ATP8B2: variants seen among roughly 807,000 people sequenced by gnomAD.
The protein encoded by ATP8B2 is ATPase phospholipid transporting 8B2.
In ATP8B2, 70 loss-of-function variants were observed where a neutral mutation model predicts 133.4. That is an observed-to-expected ratio of 0.52 (90% CI 0.43 to 0.64). The LOEUF is 0.64. Among genes scored for constraint, ATP8B2 ranks in the 30% least tolerant of loss-of-function variants. ATP8B2 has a pLI of 0.00. For missense variants in ATP8B2, 1,101 were observed against 1,535.7 expected (o/e 0.72, Z 4.73); for synonymous variants, 517 against 589.5 (o/e 0.88, Z 1.78).
chr1:154,331,475 A>G lies in ATP8B2; in HGVS notation c.335A>G (p.Asn112Ser). 1 of 1,614,110 alleles carries G rather than the reference A, an allele frequency of 6.2e-7. No individual in the cohort carries two copies. Among genetic ancestry groups the G allele is most frequent in the Non-Finnish European group, 8.5e-7 (1 of 1,180,020 alleles). ...FRHKSDNQVN[N>S]RQSQVLINGI... Reference sequence around the variant, plus strand: ...CACAAGAGCGATAACCAGGTGAATAACCGCCAGTCTCAGGTGCTGATCAAT... The same window carrying G: ...CACAAGAGCGATAACCAGGTGAATAGCCGCCAGTCTCAGGTGCTGATCAAT... The change falls in exon 6 of 28, where the codon AAC becomes AGC. Residue 112 changes from asparagine (N) to serine (S), a missense_variant. Asn to Ser is a conservative substitution (Grantham distance 46). Transcript: ENST00000368489. This position sits in a 1 kb window ranked among gnomAD's most constrained non-coding sequence, Gnocchi z 4.8.
At position 154,343,359 on chromosome 1, in the gene ATP8B2, G is replaced by A; in HGVS notation, c.1642+58G>A. ...GGGACAGCATTCAGGCCTGGAATGG[G>A]TGAAGTGTGCCGGGTGACTCTTGAT... On this transcript the variant is annotated intron_variant, in intron 16 of 27. Coordinates refer to ENST00000368489, the MANE Select transcript of ATP8B2 (RefSeq NM_001370597.1). This position sits in a 1 kb window ranked among gnomAD's most constrained non-coding sequence, Gnocchi z 5.8. 3.1e-6 allele frequency: 5 copies of A among 1,606,658 alleles called. No homozygotes were observed. The highest frequency in any genetic ancestry group is 4.3e-6 in the Non-Finnish European group (5 of 1,174,558).
intron 3 of ATP8B2, 57 bp from the exon 4 acceptor site, chr1:154,330,758 G>T: frequency 6.9e-7 from 1 of 1,448,786 alleles, no homozygotes; most frequent in Non-Finnish European, 9.7e-7. Context: ...GGCAGCCTCA[G>T]TCTGGTTCTG....
intron 9 of ATP8B2, among the ~76,000 whole-genome samples, chr1:154,333,483 A>T (rs539711909): frequency 6.7e-6 from 1 of 148,368 alleles, no homozygotes; most frequent in South Asian, 2.2e-4. Context: ...CAGCGTGGGC[A>T]ACACAGTGAG....
At chr1:154,338,969 C>T (rs140694878) in intron 12 of ATP8B2, among the ~76,000 whole-genome samples, 6 of 152,236 alleles carry the variant, frequency 3.9e-5, no homozygotes, top group East Asian at 1.9e-4. Context: ...AGGGGAGGAT[C>T]GGAGGAAGAC....
rs1412643473 is a variant in ATP8B2, at chr1:154,345,139, G to A, written c.2455G>A (p.Val819Ile). 1 of 1,613,796 alleles carries A rather than the reference G, an allele frequency of 6.2e-7. No homozygotes were observed. The highest frequency in any genetic ancestry group is 1.3e-5 in the African/African-American group (1 of 74,944). The change falls in exon 22 of 28, where the codon GTC becomes ATC. Residue 819 changes from valine (V) to isoleucine (I), a missense_variant. By Grantham distance (29) the Val-to-Ile change is conservative. Coordinates refer to ENST00000368489, the MANE Select transcript of ATP8B2 (RefSeq NM_001370597.1). This position sits in a 1 kb window ranked among gnomAD's most constrained non-coding sequence, Gnocchi z 5.6. ...TGCCATTGGAGACGGAGCCAATGAT[G>A]TCAGCATGATCAAAAGTGAGTGTGG... The part of the protein sequence containing the change: ...TLAIGDGAND[V>I]SMIKTAHIGV...
At chr1:154,348,641 T>C in intron 27 of ATP8B2, 103 bp downstream of exon 27, 8 of 1,508,090 alleles carry the variant, frequency 5.3e-6, no homozygotes, top group Non-Finnish European at 7.2e-6. Flanking sequence ...CTGTTCAGTG[T>C]GTTGGTGCTT....
chr1:154,344,201 C>T lies in ATP8B2; in HGVS notation c.1982C>T (p.Ala661Val). Residue 661 changes from alanine to valine, a missense_variant, in exon 19 of 28, where the codon GCC becomes GTC. Transcript: ENST00000368489. This position sits in a 1 kb window ranked among gnomAD's most constrained non-coding sequence, Gnocchi z 4.1. ...KLQQGVPETI[A>V]LLTLANIKIW... ...CAGCAAGGGGTTCCAGAGACCATTG[C>T]CCTCCTGACACTGGCCAACATCAAG... The T allele has an allele frequency of 6.2e-7, 1 of 1,614,222 alleles. No individual in the cohort carries two copies. The highest frequency in any genetic ancestry group is 8.5e-7 in the Non-Finnish European group (1 of 1,180,038).
chr1:154,346,866 C>G lies in ATP8B2; in HGVS notation c.3163+108C>G. ...CAACATTTCTTATGTGCCAAGTATTCTGTTTATTTTATTTATTTATTTATT... is the reference window on the plus strand; with the variant it reads ...CAACATTTCTTATGTGCCAAGTATTGTGTTTATTTTATTTATTTATTTATT... On this transcript the variant is annotated intron_variant, in intron 26 of 27. Transcript: ENST00000368489. The surrounding 1 kb of genome is among the most constrained non-coding windows in gnomAD (Gnocchi z 4.5). 8.1e-7 allele frequency: 1 copy of G among 1,229,498 alleles called. No homozygotes were observed. The highest frequency in any genetic ancestry group is 1.7e-5 in the South Asian group (1 of 60,382). The allele number at this position is 1,229,498 out of a possible 1,614,324, so 76.2% of individuals were successfully genotyped here. A position where few individuals can be genotyped will look rare whatever the true frequency, so the allele number is the denominator to read the frequency against.
chr1:154,330,974 A>C (rs200148570), intron 4 of ATP8B2, 46 bp downstream of exon 4: 1 of 1,601,592 alleles, frequency 6.2e-7, no homozygotes, highest in East Asian at 2.2e-5. Context: ...AAACTGAATA[A>C]AGCCAAGGAA....
In ATP8B2 at chr1:154,340,736, C is replaced by T; in HGVS notation, c.1035-118C>T. The T allele has an allele frequency of 1.1e-6, 1 of 951,642 alleles. No individual in the cohort carries two copies. The highest frequency in any genetic ancestry group is 1.6e-6 in the Non-Finnish European group (1 of 608,426). The allele number at this position is 951,642 out of a possible 1,614,324, so 58.9% of individuals were successfully genotyped here. ...CCCTTTCCCACCCAGGTTTCTGTGC[C>T]CAGGTGTCTTCTCCGTTCTTGTCTC... On this transcript the variant is annotated intron_variant, in intron 12 of 27. Transcript: ENST00000368489. This position sits in a 1 kb window ranked among gnomAD's most constrained non-coding sequence, Gnocchi z 4.0.
chr1:154,346,522 C>A lies in ATP8B2; in HGVS notation c.3024+46C>A. 1 of 1,604,368 alleles carries A rather than the reference C, an allele frequency of 6.2e-7. No individual in the cohort carries two copies. Among genetic ancestry groups the A allele is most frequent in the Non-Finnish European group, 8.5e-7 (1 of 1,174,030 alleles). On this transcript the variant is annotated intron_variant, in intron 25 of 27. Coordinates refer to ENST00000368489, the MANE Select transcript of ATP8B2 (RefSeq NM_001370597.1). The surrounding 1 kb of genome is among the most constrained non-coding windows in gnomAD (Gnocchi z 4.5). ...TCCCCTCTTCTCTGGAAGGAGTGAG[C>A]CTTCTGTCCCTGGGGCTGCCCTGGG...
At chr1:154,337,299 G>A in intron 11 of ATP8B2, 49 bp from the exon 12 acceptor site, 1 of 1,569,720 alleles carries the variant, frequency 6.4e-7, no homozygotes, top group South Asian at 1.2e-5. Context: ...ACTTGGTTTT[G>A]AGGGCTTCCT....
intron 26 of ATP8B2, 51 bp from the exon 27 acceptor site, chr1:154,348,357 G>A: frequency 6.4e-7 from 1 of 1,559,194 alleles, no homozygotes; most frequent in Non-Finnish European, 8.7e-7. Flanking sequence ...ATGGGAACGG[G>A]GAATGTCTGC....
chr1:154,337,644 G>A (rs1250082530), intron 12 of ATP8B2, 100 bp downstream of exon 12: 1 of 1,613,228 alleles, frequency 6.2e-7, no homozygotes, highest in Non-Finnish European at 8.5e-7. Flanking sequence ...GTAACGAGAA[G>A]TCCTCTTCTT....
chr1:154,342,577 G>T, intron 14 of ATP8B2, 54 bp downstream of exon 14: 1 of 1,559,100 alleles, frequency 6.4e-7, no homozygotes, highest in Non-Finnish European at 8.8e-7. Context: ...TGCCTGGCCA[G>T]TAACAGTGTA....
At chr1:154,341,474 A>AAGAGT (rs1686382750) in intron 13 of ATP8B2, 1 of 287,124 alleles carries the variant, frequency 3.5e-6, no homozygotes, top group African/African-American at 2.2e-5. Flanking sequence ...CCTGGGCGAC[A>AAGAGT]GAATGAGGCC....
At position 154,345,050 on chromosome 1, in the gene ATP8B2, T is replaced by C; in HGVS notation, c.2366T>C (p.Val789Ala). ...CACKAVICCR[V>A]TPLQKAQVVE... ...TGCAAAGCTGTCATCTGCTGCCGGG[T>C]GACCCCCTTGCAGAAGGCACAGGTG... Residue 789 changes from valine to alanine, a missense_variant, in exon 22 of 28, where the codon GTG (valine) becomes GCG (alanine). Physicochemically the swap from Val to Ala is moderately conservative, Grantham distance 64. Transcript: ENST00000368489. This position sits in a 1 kb window ranked among gnomAD's most constrained non-coding sequence, Gnocchi z 5.6. 1 of 1,614,132 alleles carries C rather than the reference T, an allele frequency of 6.2e-7. No homozygotes were observed.
At chr1:154,338,292 T>G (rs1347391563) in intron 12 of ATP8B2, among the ~76,000 whole-genome samples, 1 of 152,194 alleles carries the variant, frequency 6.6e-6, no homozygotes, top group East Asian at 1.9e-4. Context: ...GAGCAAGAGC[T>G]GGAAACATAG....
Position 154,345,012 on chromosome 1 carries a change from G to A in ATP8B2, c.2328G>A (p.Glu776=), listed in dbSNP as rs1448714969. Residue 776 remains glutamate (E), a synonymous_variant, in exon 22 of 28, where the codon GAG becomes GAA. Coordinates refer to ENST00000368489, the MANE Select transcript of ATP8B2 (RefSeq NM_001370597.1). The surrounding 1 kb of genome is among the most constrained non-coding windows in gnomAD (Gnocchi z 5.6). ...LEADMELEFL[E]TACACKAVIC... ...CAGACATGGAGCTGGAGTTTCTGGA[G>A]ACAGCGTGTGCCTGCAAAGCTGTCA... The A allele has an allele frequency of 6.2e-7, 1 of 1,614,048 alleles. No homozygotes were observed. Among genetic ancestry groups the A allele is most frequent in the East Asian group, 2.2e-5 (1 of 44,894 alleles).
Sources: allele counts gnomAD v4.1 joint callset (sites outside exome capture counted in the v4.1 genomes callset), GRCh38; gene constraint gnomAD v4.1.1; non-coding constraint Gnocchi (gnomAD v3.1); transcripts MANE v1.5; gene names NCBI Gene and HGNC (gene_info 2026-07-23, HGNC 2026-07-21).